The following SLC16A6 variants were observed in gnomAD, a reference collection of about 807,000 sequenced individuals.
SLC16A6 encodes the protein solute carrier family 16 member 6.
SLC16A6 carries 15 observed loss-of-function variants against 33.8 expected under a neutral mutation model. The ratio of observed to expected loss-of-function variants is 0.44; its 90% CI spans 0.30 to 0.68. The LOEUF is 0.68. Among genes scored for constraint, SLC16A6 ranks in the 30% least tolerant of loss-of-function variants. The pLI, the probability that SLC16A6 is intolerant of heterozygous loss-of-function variation, is 0.10. For missense variants in SLC16A6, 451 were observed against 661.5 expected (o/e 0.68, Z 3.49); for synonymous variants, 219 against 248.4 (o/e 0.88, Z 1.11).
At chr17:68,289,137 G>T (rs1479439632) in intron 1 of SLC16A6, among the ~76,000 whole-genome samples, 1 of 152,118 alleles carries the variant, frequency 6.6e-6, no homozygotes, top group East Asian at 1.9e-4. Context: ...CTTGAGCCCA[G>T]GAGTTTGAGA....
upstream of SLC16A6, chr17:68,291,246 G>A (rs2075975646): frequency 6.6e-6 from 1 of 151,206 alleles, no homozygotes; most frequent in South Asian, 2.1e-4. Flanking sequence ...TGAGGCCCGA[G>A]CGCCCGGGCC....
chr17:68,275,331 T>C (rs1555750540), intron 2 of SLC16A6, among the ~76,000 whole-genome samples: 2 of 152,020 alleles, frequency 1.3e-5, no homozygotes, highest in Non-Finnish European at 2.9e-5. Flanking sequence ...GAAAAGGAAG[T>C]GGGAAAAAAA....
In SLC16A6 at chr17:68,268,921, C is replaced by A; in HGVS notation, c.*175G>T. The stretch of plus-strand genomic sequence containing the variant: ...ACAAGCAAAAAAAAAAAGCTTAAAA[C>A]AAAACAAAACAAAACAAAAGCGATG... On this transcript the variant is annotated 3_prime_UTR_variant, in exon 6 of 6. Coordinates refer to ENST00000580666, the MANE Select transcript of SLC16A6 (RefSeq NM_004694.5). 18 of 1,337,080 alleles carry A rather than the reference C, an allele frequency of 1.3e-5. No homozygotes were observed. The highest frequency in any genetic ancestry group is 2.6e-5 in the Admixed American group (1 of 38,150). 82.8% of individuals were successfully genotyped at this position (1,337,080 alleles called of 1,614,324 possible).
rs147448023 is a variant in SLC16A6, at chr17:68,288,155, C to T, written c.-8+2931G>A. Among the ~76,000 whole-genome samples the T allele has an allele frequency of 3.4e-3, 520 of 150,860 alleles. 2 individuals carry two copies. The highest frequency in any genetic ancestry group is 0.012 in the African/African-American group (498 of 40,812). ...GGGATTAAAGGCGCATGCCACCACG[C>T]CCGGCTGATTTTTTTTTTGTATTTT... On this transcript the variant is annotated intron_variant, in intron 1 of 5. Transcript: ENST00000580666.
At chr17:68,280,802 AAACAGATTCT>A (rs782264402) in intron 1 of SLC16A6, among the ~76,000 whole-genome samples, 11 of 152,198 alleles carry the variant, frequency 7.2e-5, no homozygotes, top group Admixed American at 2.0e-4. Context: ...ATATTAAGCT[AAACAGATTCT>A]GCGCAGCAAA....
Position 68,283,414 on chromosome 17 carries a change from C to G in SLC16A6, c.-7-5087G>C, listed in dbSNP as rs551354191. 1.9e-3 allele frequency among the ~76,000 whole-genome samples: 282 copies of G among 150,894 alleles called. 2 individuals carry two copies. Among genetic ancestry groups the G allele is most frequent in the Admixed American group, 3.8e-3 (58 of 15,158 alleles). On this transcript the variant is annotated intron_variant, in intron 1 of 5. Coordinates refer to ENST00000580666, the MANE Select transcript of SLC16A6 (RefSeq NM_004694.5). ...CGGGCGCCTGTAGTCCCAGCTACTC[C>G]GGAGGCTGAGGCAGGAGAATGGCGT...
At chr17:68,277,883 C>A (rs1555751499) in intron 2 of SLC16A6, among the ~76,000 whole-genome samples, 2 of 152,158 alleles carry the variant, frequency 1.3e-5, no homozygotes, top group African/African-American at 4.8e-5. Flanking sequence ...GCTGTCATGG[C>A]TGGCAAATAA....
Position 68,267,156 on chromosome 17 carries a change from G to C in SLC16A6, c.*1940C>G, listed in dbSNP as rs2075183914. On this transcript the variant is annotated 3_prime_UTR_variant, in exon 6 of 6. Transcript: ENST00000580666. Reference sequence around the variant, plus strand: ...TTAAAACCTTGATTATTGACATACTGAAATTGGCATACATTTTGTTTTCAT... The same window carrying C: ...TTAAAACCTTGATTATTGACATACTCAAATTGGCATACATTTTGTTTTCAT... 1 of 152,148 alleles carries C rather than the reference G, an allele frequency of 6.6e-6. No individual in the cohort carries two copies. The highest frequency in any genetic ancestry group is 1.5e-5 in the Non-Finnish European group (1 of 68,020). 9.4% of individuals were successfully genotyped at this position (152,148 alleles called of 1,614,324 possible).
At chr17:68,283,419 G>C (rs1437194575) in intron 1 of SLC16A6, among the ~76,000 whole-genome samples, 4 of 151,998 alleles carry the variant, frequency 2.6e-5, no homozygotes, top group African/African-American at 9.7e-5. Flanking sequence ...TACTCCGGAG[G>C]CTGAGGCAGG....
intron 1 of SLC16A6, among the ~76,000 whole-genome samples, chr17:68,289,608 T>A (rs2145208696): frequency 1.3e-5 from 2 of 152,288 alleles, no homozygotes; most frequent in African/African-American, 4.8e-5. Context: ...TCAAAACCAG[T>A]CTGTATTTGG....
intron 1 of SLC16A6, among the ~76,000 whole-genome samples, chr17:68,280,719 TTGTC>T (rs1350925844): frequency 1.3e-5 from 2 of 152,126 alleles, no homozygotes; most frequent in Non-Finnish European, 2.9e-5. Flanking sequence ...TTTAGGACAT[TTGTC>T]TGAGGAAAGA....
chr17:68,274,142 TCCA>T lies in SLC16A6; in HGVS notation c.233-75_233-73del, dbSNP rs1599508511. 18 of 1,514,604 alleles carry T rather than the reference TCCA, an allele frequency of 1.2e-5. No individual in the cohort carries two copies. In the East Asian group the frequency reaches 4.1e-4, roughly 34 times the overall value. 93.8% of individuals were successfully genotyped at this position (1,514,604 alleles called of 1,614,324 possible). On this transcript the variant is annotated intron_variant, in intron 2 of 5. Transcript: ENST00000580666. The stretch of plus-strand genomic sequence containing the variant: ...GGTTAGCTGCCATAAGACTCCTTCC[TCCA>T]CGTCTTGCACATGGAGAGATGATGT...
intron 1 of SLC16A6, among the ~76,000 whole-genome samples, chr17:68,285,219 AGTT>A (rs1555754008): frequency 6.6e-6 from 1 of 152,264 alleles, no homozygotes; most frequent in Non-Finnish European, 1.5e-5. Context: ...AAATTGGCAC[AGTT>A]GTTCTAACCC....
At chr17:68,289,674 G>C (rs1188622176) in intron 1 of SLC16A6, among the ~76,000 whole-genome samples, 1 of 152,196 alleles carries the variant, frequency 6.6e-6, no homozygotes, top group Non-Finnish European at 1.5e-5. Flanking sequence ...AACCTGGATA[G>C]CTGCCTCACG....
chr17:68,290,717 G>T (rs965000011), intron 1 of SLC16A6, among the ~76,000 whole-genome samples: 2 of 152,238 alleles, frequency 1.3e-5, no homozygotes. Flanking sequence ...AACTTCATGC[G>T]GAAAATCCGC....
chr17:68,272,784 A>G lies in SLC16A6; in HGVS notation c.377-17T>C. 6.2e-7 allele frequency: 1 copy of G among 1,612,984 alleles called. No individual in the cohort carries two copies. The highest frequency in any genetic ancestry group is 2.2e-5 in the East Asian group (1 of 44,820). ...ATCCCAGACCTGTGAAAGAAAAGTCAAAAAAGCCAATGAGACCCACATACT... is the reference window on the plus strand; with the variant it reads ...ATCCCAGACCTGTGAAAGAAAAGTCGAAAAAGCCAATGAGACCCACATACT... On this transcript the variant is annotated splice_polypyrimidine_tract_variant and intron_variant, in intron 3 of 5. Coordinates refer to ENST00000580666, the MANE Select transcript of SLC16A6 (RefSeq NM_004694.5).
chr17:68,289,404 A>T (rs1352697673), intron 1 of SLC16A6, among the ~76,000 whole-genome samples: 1 of 152,174 alleles, frequency 6.6e-6, no homozygotes, highest in African/African-American at 2.4e-5. Flanking sequence ...GGCATGAAAA[A>T]AATTGTATTA....
At chr17:68,280,179 C>CAAAA (rs58937538) in intron 1 of SLC16A6, among the ~76,000 whole-genome samples, 24 of 87,510 alleles carry the variant, frequency 2.7e-4, no homozygotes, top group African/African-American at 5.7e-4. Context: ...AACTCTGTCT[C>CAAAA]AAAAAAAAAA....
At chr17:68,279,252 G>A (rs117145993) in intron 1 of SLC16A6, among the ~76,000 whole-genome samples, 3,626 of 152,054 alleles carry the variant, frequency 0.024, 67 homozygotes, top group Non-Finnish European at 0.03. Context: ...ACCTTCCACC[G>A]AGTAAGTGTT....
Sources: gnomAD v4.1 joint callset for allele counts (sites outside exome capture counted in the v4.1 genomes callset) on GRCh38, gnomAD v4.1.1 for gene constraint, MANE v1.5 for transcripts, NCBI Gene and HGNC (gene_info 2026-07-23, HGNC 2026-07-21) for gene names.